Variants in MERTK observed in about 807,000 individuals in gnomAD.
MERTK encodes tyrosine-protein kinase Mer.
Under a neutral mutation model 99.3 loss-of-function variants are expected in MERTK, and 69 were observed. That is an observed-to-expected ratio of 0.70 (90% CI 0.57 to 0.85). The LOEUF (loss-of-function observed/expected upper bound fraction) is 0.85. Ranked by LOEUF, MERTK falls within the 40% of genes least tolerant of loss-of-function variation. The pLI is 0.00. For missense variants in MERTK, 1,125 were observed against 1,249.4 expected (o/e 0.90, Z 1.50); for synonymous variants, 426 against 467.6 (o/e 0.91, Z 1.15).
At chr2:112,014,787 C>G (rs972758242) in intron 15 of MERTK, among the ~76,000 whole-genome samples, 2 of 151,876 alleles carry the variant, frequency 1.3e-5, no homozygotes, top group African/African-American at 4.8e-5. Context: ...AGGCGCCTGC[C>G]ACCACGCCTG....
chr2:111,949,198 C>T (rs948477902), intron 4 of MERTK, among the ~76,000 whole-genome samples: 5 of 152,046 alleles, frequency 3.3e-5, no homozygotes, highest in Non-Finnish European at 5.9e-5. Flanking sequence ...TCCTCCATTG[C>T]ACTTGTCACC....
At chr2:112,010,706 T>C (rs1223045830) in intron 15 of MERTK, among the ~76,000 whole-genome samples, 1 of 152,160 alleles carries the variant, frequency 6.6e-6, no homozygotes, top group Non-Finnish European at 1.5e-5. Flanking sequence ...TCATAGCCAC[T>C]GGGGACATTG....
chr2:111,920,780 G>A (rs917068651), intron 1 of MERTK, among the ~76,000 whole-genome samples: 1 of 151,958 alleles, frequency 6.6e-6, no homozygotes, highest in African/African-American at 2.4e-5. Context: ...TCACCCTCCC[G>A]AGTAGCTGGG....
At chr2:111,932,544 TCTTCAACTTTATTAAGATA>T (rs1171410646) in intron 2 of MERTK, among the ~76,000 whole-genome samples, 2 of 152,240 alleles carry the variant, frequency 1.3e-5, no homozygotes, top group African/African-American at 2.4e-5. Context: ...TGTATATGAT[TCTTCAACTTTATTAAGATA>T]ATGTTCAGGG....
chr2:111,978,554 C>T (rs1335952199), intron 7 of MERTK, among the ~76,000 whole-genome samples: 1 of 152,114 alleles, frequency 6.6e-6, no homozygotes, highest in East Asian at 1.9e-4. Flanking sequence ...CCTCAGCCTC[C>T]CAAAATGTTT....
Position 111,939,869 on chromosome 2 carries a change from T to C in MERTK, c.483-5091T>C, listed in dbSNP as rs190303164. Among the ~76,000 whole-genome samples the C allele has an allele frequency of 1.4e-3, 214 of 152,062 alleles. 2 individuals are homozygous for C. The highest frequency in any genetic ancestry group is 4.6e-3 in the African/African-American group (191 of 41,488). On this transcript the variant is annotated intron_variant, in intron 2 of 18. Coordinates refer to ENST00000295408, the MANE Select transcript of MERTK (RefSeq NM_006343.3). Reference sequence around the variant, plus strand: ...TAATAGTTTCCTAAGTATCAATCACTCATTCTTCTCTAAAGGAATGTATGC... The same window carrying C: ...TAATAGTTTCCTAAGTATCAATCACCCATTCTTCTCTAAAGGAATGTATGC...
intron 2 of MERTK, chr2:111,930,264 A>G (rs1353724090): frequency 6.6e-6 from 1 of 152,284 alleles, no homozygotes; most frequent in Admixed American, 6.5e-5. Context: ...ATAGTGTGCT[A>G]TGCCAATTGG....
At chr2:111,939,340 C>G (rs1305719335) in intron 2 of MERTK, among the ~76,000 whole-genome samples, 1 of 152,058 alleles carries the variant, frequency 6.6e-6, no homozygotes, top group East Asian at 1.9e-4. Flanking sequence ...ATGGATTAAT[C>G]CATTCATGAG....
At chr2:111,966,224 T>C (rs1685355746) in intron 5 of MERTK, among the ~76,000 whole-genome samples, 1 of 152,168 alleles carries the variant, frequency 6.6e-6, no homozygotes, top group Non-Finnish European at 1.5e-5. Context: ...TGTTTAATAA[T>C]GAATTAAAGG....
intron 18 of MERTK, 50 bp downstream of exon 18, chr2:112,022,444 C>A: frequency 6.2e-7 from 1 of 1,613,356 alleles, no homozygotes; most frequent in African/African-American, 1.3e-5. Context: ...GGGCAGCCAC[C>A]TGGCTCTGCA....
chr2:112,025,328 C>T (rs1283483919), intron 18 of MERTK, among the ~76,000 whole-genome samples: 2 of 152,178 alleles, frequency 1.3e-5, no homozygotes, highest in African/African-American at 2.4e-5. Context: ...TCACCTGATG[C>T]CCATCCCAGC....
intron 15 of MERTK, 22 bp downstream of exon 15, chr2:112,010,088 C>G: frequency 1.3e-6 from 2 of 1,509,382 alleles, no homozygotes; most frequent in Non-Finnish European, 1.8e-6. Flanking sequence ...CTTGTGTTAC[C>G]CCTGAACACT....
At chr2:111,981,629 C>A (rs1490529064) in intron 7 of MERTK, among the ~76,000 whole-genome samples, 2 of 152,076 alleles carry the variant, frequency 1.3e-5, no homozygotes, top group African/African-American at 2.4e-5. Flanking sequence ...GGTCAGAGAG[C>A]ATATTATTTT....
intron 4 of MERTK, among the ~76,000 whole-genome samples, chr2:111,948,014 C>G (rs549509081): frequency 1.3e-5 from 2 of 152,146 alleles, no homozygotes; most frequent in East Asian, 1.9e-4. Context: ...AATGGACATT[C>G]CATGGTCGTC....
intron 15 of MERTK, among the ~76,000 whole-genome samples, chr2:112,018,712 A>T (rs1351426294): frequency 6.6e-6 from 1 of 152,176 alleles, no homozygotes; most frequent in East Asian, 1.9e-4. Flanking sequence ...AGTCATCCTC[A>T]TAACTGATTC....
chr2:111,899,525 T>G (rs1000844767), intron 1 of MERTK, among the ~76,000 whole-genome samples: 4 of 152,158 alleles, frequency 2.6e-5, no homozygotes, highest in African/African-American at 4.8e-5. Flanking sequence ...AGGCTTTTTT[T>G]TTTTTAATTT....
intron 2 of MERTK, 120 bp downstream of exon 2, chr2:111,929,660 C>T (rs1261642576): frequency 9.2e-6 from 7 of 764,604 alleles, no homozygotes; most frequent in Non-Finnish European, 1.9e-6. Context: ...GATCTCAGCT[C>T]ATTGCAACCT....
At chr2:112,012,037 C>T (rs1436743038) in intron 15 of MERTK, among the ~76,000 whole-genome samples, 1 of 152,196 alleles carries the variant, frequency 6.6e-6, no homozygotes, top group East Asian at 1.9e-4. Flanking sequence ...TGCAAGGTAA[C>T]TAGACTGGGG....
At chr2:111,899,880 TC>T (rs1684012690) in intron 1 of MERTK, among the ~76,000 whole-genome samples, 1 of 152,050 alleles carries the variant, frequency 6.6e-6, no homozygotes, top group African/African-American at 2.4e-5. Context: ...CCGGTTTCAT[TC>T]TGCTTGAACA....
Sources: gnomAD v4.1 joint callset for allele counts (sites outside exome capture counted in the v4.1 genomes callset) on GRCh38, gnomAD v4.1.1 for gene constraint, MANE v1.5 for transcripts, NCBI Gene and HGNC (gene_info 2026-07-23, HGNC 2026-07-21) for gene names.